Variants in EPB41 observed in about 807,000 individuals in gnomAD.
The protein encoded by EPB41 is protein 4.1.
A neutral mutation model predicts 108.0 loss-of-function variants in EPB41; 65 were observed. The ratio of observed to expected loss-of-function variants is 0.60; its 90% confidence interval spans 0.49 to 0.74. EPB41 has a LOEUF of 0.74. EPB41 is among the 30% of genes least tolerant of loss of function. The pLI is 0.00. For missense variants in EPB41, 875 were observed against 1,037.0 expected (o/e 0.84, Z 2.15); for synonymous variants, 336 against 358.9 (o/e 0.94, Z 0.72).
chr1:29,114,636 TAAAAAAAAAAAAAAAAA>T (rs62666661), intron 19 of EPB41, among the ~76,000 whole-genome samples: 1 of 77,744 alleles, frequency 1.3e-5, no homozygotes, highest in African/African-American at 4.7e-5. Flanking sequence ...AGACTCCGTC[TAAAAAAAAAAAAAAAAA>T]AAAAAAAGTC....
intron 1 of EPB41, among the ~76,000 whole-genome samples, chr1:28,924,524 C>T (rs1202435361): frequency 6.8e-6 from 1 of 146,652 alleles, no homozygotes; most frequent in Admixed American, 6.9e-5. Context: ...AGCGAGACTA[C>T]ATCTCAAAAA....
At chr1:29,055,425 G>A (rs941981659) in intron 12 of EPB41, among the ~76,000 whole-genome samples, 1 of 152,110 alleles carries the variant, frequency 6.6e-6, no homozygotes, top group East Asian at 1.9e-4. Context: ...TCAACAATAG[G>A]CTCCCTTTGC....
chr1:29,068,872 A>G, intron 16 of EPB41: 1 of 1,054,578 alleles, frequency 9.5e-7, no homozygotes, highest in South Asian at 4.8e-5. Context: ...ACTGAACAAC[A>G]GCTGCTGAAT....
At chr1:28,957,749 C>G (rs1052084067) in intron 1 of EPB41, among the ~76,000 whole-genome samples, 1 of 152,050 alleles carries the variant, frequency 6.6e-6, no homozygotes, top group Admixed American at 6.6e-5. Flanking sequence ...AAGAATTGGT[C>G]TTTAAAAATG....
rs139747330 is a variant in EPB41, at chr1:29,056,278, C to A, written c.1846-2311C>A. Among the ~76,000 whole-genome samples the A allele has an allele frequency of 1.3e-3, 183 of 142,410 alleles. 3 individuals are homozygous for A. The South Asian group carries it at 0.028, about 22-fold the overall frequency. The allele number at this position is 142,410 out of a possible 152,430, so 93.4% of individuals were successfully genotyped here. ...AACAACAAAACAAAACAAAACAAAA[C>A]AAAAAAAAAACTATGGCATTTACTT... On this transcript the variant is annotated intron_variant, in intron 12 of 20. Coordinates refer to ENST00000343067, the MANE Select transcript of EPB41 (RefSeq NM_001376013.1).
intron 16 of EPB41, among the ~76,000 whole-genome samples, chr1:29,086,218 C>T (rs1658839147): frequency 6.6e-6 from 1 of 151,014 alleles, no homozygotes; most frequent in East Asian, 1.9e-4. Context: ...ACAAAAAGAT[C>T]GTTTGCAATC....
chr1:28,950,090 C>G (rs2094650255), intron 1 of EPB41, among the ~76,000 whole-genome samples: 1 of 152,068 alleles, frequency 6.6e-6, no homozygotes, highest in Admixed American at 6.5e-5. Context: ...CCTGTGATGT[C>G]TCCTTGTACA....
chr1:29,113,300 G>T (rs576053543), intron 19 of EPB41, among the ~76,000 whole-genome samples: 3 of 152,338 alleles, frequency 2.0e-5, no homozygotes, highest in Admixed American at 2.0e-4. Flanking sequence ...TGACTGGGTT[G>T]CTGGAGCAAT....
At chr1:28,994,240 C>T (rs934346995) in intron 3 of EPB41, among the ~76,000 whole-genome samples, 7 of 151,890 alleles carry the variant, frequency 4.6e-5, no homozygotes, top group Non-Finnish European at 8.8e-5. Flanking sequence ...GGTACAATCT[C>T]GGCTCACTGC....
In EPB41 at chr1:28,981,159, G is replaced by A. The variant is rs181732798; in HGVS notation, c.-7-6272G>A. Among the ~76,000 whole-genome samples the A allele has an allele frequency of 6.6e-5, 10 of 152,356 alleles. No homozygotes were observed. The South Asian group carries it at 8.3e-4, about 13-fold the overall frequency. The stretch of plus-strand genomic sequence containing the variant: ...TGGTTCAAAAATAATTACGTGCACA[G>A]TAGGATAAGAAGACACACAATGGTG... On this transcript the variant is annotated intron_variant, in intron 1 of 20. Transcript: ENST00000343067.
intron 1 of EPB41, among the ~76,000 whole-genome samples, chr1:28,986,381 G>A (rs866075594): frequency 2.6e-5 from 4 of 152,258 alleles, no homozygotes; most frequent in African/African-American, 9.6e-5. Context: ...GACAATGCTC[G>A]TTGGCTGTTA....
At chr1:28,909,170 AAAAAGTCAGTCCT>A (rs1356862114) in intron 1 of EPB41, among the ~76,000 whole-genome samples, 1 of 151,734 alleles carries the variant, frequency 6.6e-6, no homozygotes, top group Non-Finnish European at 1.5e-5. Flanking sequence ...AAAAAAAAAA[AAAAAGTCAGTCCT>A]AAAATAATAT....
chr1:29,100,206 C>T (rs1664768561), intron 17 of EPB41, among the ~76,000 whole-genome samples: 1 of 151,288 alleles, frequency 6.6e-6, no homozygotes, highest in Non-Finnish European at 1.5e-5. Context: ...TGGTGGCTCA[C>T]GCCTGTAATC....
intron 3 of EPB41, among the ~76,000 whole-genome samples, chr1:28,994,996 A>G (rs1484061077): frequency 2.3e-5 from 3 of 132,656 alleles, no homozygotes; most frequent in Admixed American, 8.0e-5. Flanking sequence ...GCAAATGTAA[A>G]TATGTTCAAT....
chr1:29,079,035 G>T lies in EPB41; in HGVS notation c.2184+13877G>T, dbSNP rs141448627. On this transcript the variant is annotated intron_variant, in intron 16 of 20. Transcript: ENST00000343067. Reference sequence around the variant, plus strand: ...TTGGACACAAAATTTCGCTCTTGTTGCCCAGGCTGGAGTGCAATGGTGCGA... The same window carrying T: ...TTGGACACAAAATTTCGCTCTTGTTTCCCAGGCTGGAGTGCAATGGTGCGA... 4.4e-3 allele frequency among the ~76,000 whole-genome samples: 662 copies of T among 148,902 alleles called. 4 individuals are homozygous for T. The highest frequency in any genetic ancestry group is 0.016 in the African/African-American group (628 of 40,426).
Position 29,115,729 on chromosome 1 carries a change from G to A in EPB41, c.2527G>A (p.Glu843Lys). The change falls in exon 20 of 21, where the codon GAG becomes AAG. Residue 843 changes from glutamate (E) to lysine (K), a missense_variant. By Grantham distance (56) the Glu-to-Lys change is moderately conservative. Coordinates refer to ENST00000343067, the MANE Select transcript of EPB41 (RefSeq NM_001376013.1). The surrounding 1 kb of genome is among the most constrained non-coding windows in gnomAD (Gnocchi z 4.4). Reference protein sequence around the residue: ...VLVQAIKEAKEQHPDMSVTKV... With the variant: ...VLVQAIKEAKKQHPDMSVTKV... The stretch of plus-strand genomic sequence containing the variant: ...TGTACAAGCCATCAAGGAGGCAAAG[G>A]AGCAGCACCCAGACATGTCAGTGAC... 1 of 1,614,102 alleles carries A rather than the reference G, an allele frequency of 6.2e-7. No individual in the cohort carries two copies. The highest frequency in any genetic ancestry group is 8.5e-7 in the Non-Finnish European group (1 of 1,180,030).
At chr1:28,975,348 T>C (rs1219577024) in intron 1 of EPB41, among the ~76,000 whole-genome samples, 1 of 152,194 alleles carries the variant, frequency 6.6e-6, no homozygotes, top group Non-Finnish European at 1.5e-5. Context: ...AGTGAGAATA[T>C]GCTAGAGAAA....
chr1:29,064,921 C>G, intron 15 of EPB41, 61 bp from the exon 16 acceptor site: 1 of 1,609,110 alleles, frequency 6.2e-7, no homozygotes, highest in Admixed American at 1.7e-5. Flanking sequence ...ACGGGTTGCC[C>G]TTGATTATGT....
At chr1:28,956,883 A>G (rs2094970784) in intron 1 of EPB41, among the ~76,000 whole-genome samples, 1 of 152,258 alleles carries the variant, frequency 6.6e-6, no homozygotes, top group South Asian at 2.1e-4. Context: ...TGGATGATAT[A>G]AAGAAGCTGT....
Sources: gnomAD v4.1 joint callset for allele counts (sites outside exome capture counted in the v4.1 genomes callset) on GRCh38, gnomAD v4.1.1 for gene constraint, Gnocchi (gnomAD v3.1) non-coding constraint, MANE v1.5 for transcripts, NCBI Gene and HGNC (gene_info 2026-07-23, HGNC 2026-07-21) for gene names.